DOCK5: variants seen among roughly 807,000 people sequenced by gnomAD.
DOCK5 encodes dedicator of cytokinesis 5.
In DOCK5, 142 loss-of-function variants were observed where a neutral mutation model predicts 251.8. That is an observed-to-expected ratio of 0.56 (90% CI 0.49 to 0.65). DOCK5 has a LOEUF of 0.65. DOCK5 is among the 30% of genes least tolerant of loss of function. The pLI, the probability that DOCK5 is intolerant of heterozygous loss-of-function variation, is 0.00. For synonymous variants in DOCK5, 842 were observed against 835.5 expected (o/e 1.01, Z -0.13); for missense variants, 2,111 against 2,312.3 (o/e 0.91, Z 1.79).
Position 25,411,472 on chromosome 8 carries a change from A to C in DOCK5, c.*174A>C. ...CTTCCAAAAGCTTCTCTTTGATAGA[A>C]TTTTGAGGCCATGCCACCTCCCTTC... On this transcript the variant is annotated 3_prime_UTR_variant, in exon 52 of 52. Transcript: ENST00000276440. 1.0e-6 allele frequency: 1 copy of C among 963,790 alleles called. No individual in the cohort carries two copies. The highest frequency in any genetic ancestry group is 1.4e-6 in the Non-Finnish European group (1 of 726,810). 59.7% of individuals were successfully genotyped at this position (963,790 alleles called of 1,614,324 possible).
chr8:25,305,591 A>C (rs1377787654), intron 11 of DOCK5, among the ~76,000 whole-genome samples: 1 of 152,228 alleles, frequency 6.6e-6, no homozygotes, highest in East Asian at 1.9e-4. Flanking sequence ...TGTTTGAGAA[A>C]GGATGAATAT....
At chr8:25,297,213 G>C (rs1479710494) in intron 7 of DOCK5, among the ~76,000 whole-genome samples, 1 of 151,786 alleles carries the variant, frequency 6.6e-6, no homozygotes, top group Non-Finnish European at 1.5e-5. Context: ...TCCTGCCTCA[G>C]CCTCCCGAGT....
chr8:25,405,553 AATT>A (rs1801508665), intron 48 of DOCK5, among the ~76,000 whole-genome samples: 1 of 152,126 alleles, frequency 6.6e-6, no homozygotes, highest in African/African-American at 2.4e-5. Flanking sequence ...ATGCAATCTT[AATT>A]ATTATAGATA....
At chr8:25,324,889 A>G (rs1195995739) in intron 17 of DOCK5, among the ~76,000 whole-genome samples, 1 of 148,482 alleles carries the variant, frequency 6.7e-6, no homozygotes, top group East Asian at 2.0e-4. Context: ...GAGTGAGAAC[A>G]TGCGGTGTTT....
At chr8:25,375,663 A>C in intron 37 of DOCK5, 2 of 979,842 alleles carry the variant, frequency 2.0e-6, no homozygotes, top group Non-Finnish European at 2.4e-6. Flanking sequence ...AGCTATTAAT[A>C]TTCTTTTACA....
At chr8:25,236,046 C>T (rs553506343) in intron 1 of DOCK5, among the ~76,000 whole-genome samples, 1 of 152,090 alleles carries the variant, frequency 6.6e-6, no homozygotes. Context: ...GAGCCACCTG[C>T]CTCGGCCTCC....
chr8:25,218,061 A>G (rs1472719426), intron 1 of DOCK5, among the ~76,000 whole-genome samples: 2 of 152,254 alleles, frequency 1.3e-5, no homozygotes, highest in Non-Finnish European at 2.9e-5. Flanking sequence ...GCAAATAAGT[A>G]TCACAGGTGG....
intron 1 of DOCK5, among the ~76,000 whole-genome samples, chr8:25,239,188 A>G (rs539595416): frequency 2.6e-5 from 4 of 152,196 alleles, no homozygotes; most frequent in Middle Eastern, 3.4e-3. Context: ...TTCACTGGAG[A>G]GTAGGCTGGA....
intron 1 of DOCK5, among the ~76,000 whole-genome samples, chr8:25,232,464 A>G (rs1166170392): frequency 6.6e-6 from 1 of 152,204 alleles, no homozygotes; most frequent in East Asian, 1.9e-4. Context: ...GTGGCTAGTA[A>G]ACAACAGAAA....
At position 25,296,382 on chromosome 8, in the gene DOCK5, G is replaced by GGT. The variant is rs1804615138; in HGVS notation, c.471-127_471-126dup. The GGT allele has an allele frequency of 3.5e-6, 4 of 1,150,586 alleles. No individual in the cohort carries two copies. The South Asian group carries it at 6.6e-5, about 19-fold the overall frequency. 71.3% of individuals were successfully genotyped at this position (1,150,586 alleles called of 1,614,324 possible). On this transcript the variant is annotated intron_variant, in intron 6 of 51. Coordinates refer to ENST00000276440, the MANE Select transcript of DOCK5 (RefSeq NM_024940.8). ...AAACTGAAATGAGAAAAGTCAATGA[G>GGT]GTGTGCTTCCCTGGGCTTGTCCAGC...
intron 34 of DOCK5, among the ~76,000 whole-genome samples, chr8:25,372,047 C>G (rs1800882369): frequency 6.6e-6 from 1 of 152,198 alleles, no homozygotes; most frequent in African/African-American, 2.4e-5. Flanking sequence ...AGCCGCATTG[C>G]AGGAGATGTA....
intron 1 of DOCK5, among the ~76,000 whole-genome samples, chr8:25,228,636 CT>C (rs1802589755): frequency 6.6e-6 from 1 of 152,226 alleles, no homozygotes; most frequent in Non-Finnish European, 1.5e-5. Flanking sequence ...AGGGCAGTAA[CT>C]TCCATGCGTT....
chr8:25,291,514 C>T (rs773791490), intron 5 of DOCK5, among the ~76,000 whole-genome samples: 6 of 151,022 alleles, frequency 4.0e-5, no homozygotes, highest in Admixed American at 6.6e-5. Flanking sequence ...GAAACCCCAT[C>T]TCTACTAAAA....
chr8:25,317,160 A>G (rs767545389), intron 14 of DOCK5, 29 bp downstream of exon 14: 1 of 1,608,052 alleles, frequency 6.2e-7, no homozygotes, highest in Admixed American at 1.7e-5. Flanking sequence ...AAATCCTGCT[A>G]CCATCGCATC....
At chr8:25,185,818 G>C (rs1801416013) in intron 1 of DOCK5, among the ~76,000 whole-genome samples, 2 of 152,222 alleles carry the variant, frequency 1.3e-5, no homozygotes, top group African/African-American at 4.8e-5. Flanking sequence ...TTTTGACCCA[G>C]GTGGAAAGTC....
At chr8:25,287,075 T>A (rs1804354782) in intron 5 of DOCK5, among the ~76,000 whole-genome samples, 1 of 152,224 alleles carries the variant, frequency 6.6e-6, no homozygotes. Context: ...CCCTCAAATT[T>A]CTATAATACT....
chr8:25,325,572 C>T (rs369298598), intron 18 of DOCK5, 25 bp downstream of exon 18: 2 of 1,607,988 alleles, frequency 1.2e-6, no homozygotes, highest in South Asian at 1.1e-5. Flanking sequence ...TACACTGACA[C>T]AAATAAGCTT....
chr8:25,377,793 C>T (rs1056230008), intron 38 of DOCK5, among the ~76,000 whole-genome samples: 83 of 152,172 alleles, frequency 5.5e-4, no homozygotes, highest in African/African-American at 1.9e-3. Context: ...GAATCTCAAG[C>T]GTGGGGCTTC....
At chr8:25,374,961 A>C in intron 37 of DOCK5, 1 of 1,215,552 alleles carries the variant, frequency 8.2e-7, no homozygotes, top group Non-Finnish European at 1.0e-6. Flanking sequence ...GTAAAACTGC[A>C]GAAAACTGCA....
Sources: allele counts gnomAD v4.1 joint callset (sites outside exome capture counted in the v4.1 genomes callset), GRCh38; gene constraint gnomAD v4.1.1; transcripts MANE v1.5; gene names NCBI Gene and HGNC (gene_info 2026-07-23, HGNC 2026-07-21).